The following AR variants were observed in gnomAD, a reference collection of about 807,000 sequenced individuals.
AR encodes androgen receptor, also known as dihydrotestosterone receptor.
A neutral mutation model predicts 53.9 loss-of-function variants in AR; 8 were observed. That is an observed-to-expected ratio of 0.15 (90% confidence interval 0.09 to 0.27). The LOEUF (loss-of-function observed/expected upper bound fraction) is 0.27. Ranked by LOEUF, AR falls within the 10% of genes least tolerant of loss-of-function variation. The probability of loss-of-function intolerance (pLI) is 1.00; values close to 1 mark genes in which losing one functional copy is unlikely to be tolerated. For missense variants in AR, 639 were observed against 742.5 expected (o/e 0.86, Z 1.62); for synonymous variants, 359 against 316.4 (o/e 1.13, Z -1.43).
chrX:67,667,577 A>C (rs1466128422), intron 2 of AR, among the ~76,000 whole-genome samples: 2 of 110,607 alleles, frequency 1.8e-5, no homozygotes, highest in Admixed American at 1.9e-4. Flanking sequence ...TTTTAGGATT[A>C]TTTTTTCTAT....
intron 3 of AR, among the ~76,000 whole-genome samples, chrX:67,689,264 A>G (rs754810590): frequency 2.7e-5 from 3 of 111,564 alleles, no homozygotes; most frequent in Admixed American, 9.6e-5. Context: ...ATACATCGTA[A>G]TTGTATCTAC....
At chrX:67,636,156 G>T (rs1430033579) in intron 1 of AR, among the ~76,000 whole-genome samples, 2 of 110,909 alleles carry the variant, frequency 1.8e-5, no homozygotes, top group Non-Finnish European at 3.8e-5. Context: ...TGTCCATTTT[G>T]TTCACTGCTA....
In AR at chrX:67,686,056, T is replaced by C. The variant is rs760844257; in HGVS notation, c.1815T>C (p.Asp605=). The C allele has an allele frequency of 1.7e-5, 20 of 1,209,825 alleles. No homozygotes were observed. In the South Asian group the frequency reaches 3.3e-4, roughly 20 times the overall value. The change falls in exon 3 of 8, where the codon GAT becomes GAC. Residue 605 remains aspartate, a synonymous_variant. Coordinates refer to ENST00000374690, the MANE Select transcript of AR (RefSeq NM_000044.6). ...CCAGCAGAAATGATTGCACTATTGA[T>C]AAATTCCGAAGGAAAAATTGTCCAT... The part of the protein sequence containing the change: ...LCASRNDCTI[D]KFRRKNCPSC...
chrX:67,642,686 A>G (rs945710649), intron 1 of AR, among the ~76,000 whole-genome samples: 6 of 111,862 alleles, frequency 5.4e-5, no homozygotes, highest in African/African-American at 2.0e-4. Context: ...TGATAATACT[A>G]ATCACGATCC....
At chrX:67,661,136 G>A (rs1167914438) in intron 2 of AR, among the ~76,000 whole-genome samples, 2 of 111,281 alleles carry the variant, frequency 1.8e-5, no homozygotes, top group Non-Finnish European at 1.9e-5. Flanking sequence ...GGTTTTCTAG[G>A]TATACAATCA....
intron 1 of AR, among the ~76,000 whole-genome samples, chrX:67,599,992 G>A (rs1923277593): frequency 9.0e-6 from 1 of 111,428 alleles, no homozygotes; most frequent in Non-Finnish European, 1.9e-5. Flanking sequence ...ATATAGTTGA[G>A]TAAGAAAAGC....
chrX:67,685,819 C>T lies in AR; in HGVS notation c.1769-191C>T. On this transcript the variant is annotated intron_variant, in intron 2 of 7. Coordinates refer to ENST00000374690, the MANE Select transcript of AR (RefSeq NM_000044.6). The stretch of plus-strand genomic sequence containing the variant: ...AAAAAAAACACCAATGGAAATCAAA[C>T]AATATAGTGCCAAATTAAACTGTTT... 1.0e-5 allele frequency: 6 copies of T among 598,258 alleles called. No individual in the cohort carries two copies. In the South Asian group the frequency reaches 1.9e-4, roughly 19 times the overall value. 49.3% of individuals were successfully genotyped at this position (598,258 alleles called of 1,213,427 possible). A position where few individuals can be genotyped will look rare whatever the true frequency, so the allele number is the denominator to read the frequency against.
intron 1 of AR, among the ~76,000 whole-genome samples, chrX:67,627,255 A>G (rs1032817597): frequency 6.3e-5 from 7 of 111,322 alleles, no homozygotes; most frequent in South Asian, 3.8e-4. Context: ...CAACAGTGTC[A>G]AAGTGTTCCT....
At chrX:67,633,369 T>G (rs1428007354) in intron 1 of AR, among the ~76,000 whole-genome samples, 1 of 111,852 alleles carries the variant, frequency 8.9e-6, no homozygotes, top group African/African-American at 3.2e-5. Context: ...CTTCCACTTA[T>G]CAGTGAGAAC....
chrX:67,689,828 TC>T, intron 3 of AR: 1 of 554,172 alleles, frequency 1.8e-6, no homozygotes, highest in East Asian at 1.3e-4. Flanking sequence ...TTTCTCACAG[TC>T]CATAGTTAGG....
At chrX:67,686,197 T>C in intron 3 of AR, 71 bp downstream of exon 3, 1 of 1,062,452 alleles carries the variant, frequency 9.4e-7, no homozygotes. Flanking sequence ...AGTCTCTCTT[T>C]AGACCAGATT....
At chrX:67,712,008 T>C (rs955702045) in intron 4 of AR, among the ~76,000 whole-genome samples, 2 of 112,271 alleles carry the variant, frequency 1.8e-5, no homozygotes, top group Non-Finnish European at 3.8e-5. Context: ...TACCCATATA[T>C]GCCTTAGGAT....
intron 2 of AR, among the ~76,000 whole-genome samples, chrX:67,653,217 A>G (rs1926429676): frequency 8.9e-6 from 1 of 112,076 alleles, no homozygotes; most frequent in Admixed American, 9.5e-5. Context: ...TTCTTATTCA[A>G]TCTGTATACC....
intron 1 of AR, among the ~76,000 whole-genome samples, chrX:67,640,185 T>A (rs1312486612): frequency 9.0e-6 from 1 of 111,526 alleles, no homozygotes; most frequent in Admixed American, 9.6e-5. Context: ...TCGTGGTGGA[T>A]AAGCTTTTTG....
At chrX:67,687,267 C>A (rs372410089) in intron 3 of AR, among the ~76,000 whole-genome samples, 1 of 111,839 alleles carries the variant, frequency 8.9e-6, no homozygotes, top group East Asian at 2.8e-4. Context: ...TTCTCTTATC[C>A]TGGAGCAGGG....
chrX:67,672,824 C>T lies in AR; in HGVS notation c.1769-13186C>T, dbSNP rs753997490. Among the ~76,000 whole-genome samples, 28 of 111,261 alleles carry T rather than the reference C, an allele frequency of 2.5e-4. No individual in the cohort carries two copies. The East Asian group carries it at 7.9e-3, about 31-fold the overall frequency. ...CAGTGTTACAATATTCTGTGTTTTT[C>T]TGTGTACTTTCAATTACCCATGAGT... is the stretch of plus-strand genomic sequence containing the variant. On this transcript the variant is annotated intron_variant, in intron 2 of 7. Coordinates refer to ENST00000374690, the MANE Select transcript of AR (RefSeq NM_000044.6).
At chrX:67,632,763 A>T (rs1236684105) in intron 1 of AR, among the ~76,000 whole-genome samples, 3 of 112,634 alleles carry the variant, frequency 2.7e-5, no homozygotes, top group Non-Finnish European at 5.6e-5. Flanking sequence ...AATGAGAGAA[A>T]GTATTTGCAA....
At chrX:67,679,129 C>G (rs763473809) in intron 2 of AR, among the ~76,000 whole-genome samples, 7 of 110,703 alleles carry the variant, frequency 6.3e-5, no homozygotes, top group Admixed American at 1.9e-4. Context: ...TCAAAACATC[C>G]CACTGTACCC....
intron 2 of AR, among the ~76,000 whole-genome samples, chrX:67,657,847 A>G (rs750493466): frequency 4.5e-5 from 5 of 111,708 alleles, no homozygotes; most frequent in Non-Finnish European, 5.6e-5. Context: ...CCATATACTC[A>G]GGTTGTATTC....
Sources: allele counts gnomAD v4.1 joint callset (sites outside exome capture counted in the v4.1 genomes callset), GRCh38; gene constraint gnomAD v4.1.1; transcripts MANE v1.5; gene names NCBI Gene and HGNC (gene_info 2026-07-23, HGNC 2026-07-21).